Variants in NBPF12 observed in about 807,000 individuals in gnomAD.
NBPF12 encodes NBPF member 12.
A neutral mutation model predicts 146.4 loss-of-function variants in NBPF12; 115 were observed. The observed-to-expected ratio is 0.79, with a 90% CI of 0.68 to 0.92. The LOEUF (loss-of-function observed/expected upper bound fraction) is 0.92. Ranked by LOEUF, NBPF12 falls within the 40% of genes least tolerant of loss-of-function variation. NBPF12 has a pLI of 0.00. For missense variants in NBPF12, 1,205 were observed against 1,326.8 expected, an observed-to-expected ratio of 0.91 and a Z score of 1.43; for synonymous variants, 385 against 508.9, an observed-to-expected ratio of 0.76 and a Z score of 3.28.
intron 6 of NBPF12, among the ~76,000 whole-genome samples, 191 bp downstream of exon 9, chr1:146,963,500 C>A (rs1413052403): frequency 6.6e-6 from 1 of 152,012 alleles, no homozygotes; most frequent in Non-Finnish European, 1.5e-5. Context: ...CCCAGTATTG[C>A]AAGTGTCCCT....
chr1:146,947,315 C>T (rs1183931533), upstream of NBPF12, among the ~76,000 whole-genome samples: 1,191 of 150,856 alleles, frequency 7.9e-3, 7 homozygotes, highest in Admixed American at 0.012. Context: ...GCTTCTCTTC[C>T]CTGTGACCTG....
chr1:146,995,937 A>G (rs1431205800), exon 34 of NBPF12: 2 of 150,788 alleles, frequency 1.3e-5, no homozygotes, highest in Admixed American at 1.3e-4. Flanking sequence ...TATTATATAC[A>G]TATCTCTACG....
At chr1:146,964,569 C>T (rs1656069312) in intron 7 of NBPF12, 140 bp downstream of exon 10, 2 of 1,395,252 alleles carry the variant, frequency 1.4e-6, no homozygotes, top group African/African-American at 2.9e-5. Context: ...CCAGCTTAGA[C>T]ACAGGGTGCG....
intron 10 of NBPF12, among the ~76,000 whole-genome samples, chr1:146,969,029 A>C (rs1185937574): frequency 6.6e-6 from 1 of 151,468 alleles, no homozygotes; most frequent in Non-Finnish European, 1.5e-5. Flanking sequence ...CTTTGTGTCT[A>C]GTGGCCGCAA....
chr1:146,992,499 T>C (rs1328951769), intron 31 of NBPF12, among the ~76,000 whole-genome samples: 2 of 141,440 alleles, frequency 1.4e-5, no homozygotes, highest in African/African-American at 2.7e-5. Flanking sequence ...TGTGTGTGTG[T>C]GTGTGTGTGT....
intron 13 of NBPF12, among the ~76,000 whole-genome samples, chr1:146,971,828 C>T (rs1419543536): frequency 6.7e-6 from 1 of 150,250 alleles, no homozygotes; most frequent in Admixed American, 6.6e-5. Flanking sequence ...ACATGTAATC[C>T]CAGCACTTTG....
intron 10 of NBPF12, 39 bp from the exon 14 acceptor site, chr1:146,969,343 C>T (rs1343321948): frequency 1.3e-6 from 1 of 771,706 alleles, no homozygotes; most frequent in Non-Finnish European, 2.2e-6. Context: ...ATCACTCAAC[C>T]CTTTCCACTC....
chr1:146,964,285 G>A lies in NBPF12; in HGVS notation c.494-72G>A, dbSNP rs1302917633. 83 of 1,587,372 alleles carry A rather than the reference G, an allele frequency of 5.2e-5. 1 individual carries two copies. In the Middle Eastern group the frequency reaches 9.1e-4, roughly 17 times the overall value. On this transcript the variant is annotated intron_variant, in intron 6 of 33. Transcript: ENST00000617844. Reference sequence around the variant, plus strand: ...ACCATACATAGATGTTCATGTCTCTGTGCACGTTGGGCTGACTGTGCTTGC... The same window carrying A: ...ACCATACATAGATGTTCATGTCTCTATGCACGTTGGGCTGACTGTGCTTGC...
chr1:146,995,451 A>G (rs1658484580), exon 34 of NBPF12: 3 of 126,720 alleles, frequency 2.4e-5, no homozygotes, highest in Non-Finnish European at 3.4e-5. Context: ...AGGAGAAGAG[A>G]TATTTTGGGT....
At position 146,994,515 on chromosome 1, in the gene NBPF12, TA is replaced by T. The variant is rs1658416748; in HGVS notation, c.4315del (p.Thr1439LeufsTer2). ...CCCTTGACATGGACAATAGCTTTTT[TA>T]CTTTGACGGTGACAAGTCTCCACCT... On this transcript the variant is annotated frameshift_variant, in exon 34 of 34. Coordinates refer to ENST00000617844, the Ensembl canonical transcript of NBPF12. LOFTEE classifies it high-confidence loss of function. 1 of 1,609,590 alleles carries T rather than the reference TA, an allele frequency of 6.2e-7. No individual in the cohort carries two copies. Among genetic ancestry groups the T allele is most frequent in the Non-Finnish European group, 8.5e-7 (1 of 1,179,518 alleles).
rs1656877804 is a variant in NBPF12 at position 146,974,861 on chromosome 1, G to A, written c.1904+20G>A. 4.7e-6 allele frequency: 6 copies of A among 1,286,746 alleles called. 1 individual carries two copies. Among genetic ancestry groups the A allele is most frequent in the Admixed American group, 2.4e-5 (1 of 42,154 alleles). 79.7% of individuals were successfully genotyped at this position (1,286,746 alleles called of 1,614,324 possible). On this transcript the variant is annotated intron_variant, in intron 15 of 33. Transcript: ENST00000617844. ...GCTCAGGTGAGGGGACCCCATGGGGGCAGACAGGGGGGCAGGTGTGTAAAT... is the reference window on the plus strand; with the variant it reads ...GCTCAGGTGAGGGGACCCCATGGGGACAGACAGGGGGGCAGGTGTGTAAAT...
intron 23 of NBPF12, among the ~76,000 whole-genome samples, chr1:146,986,051 A>C (rs1191887144): frequency 4.0e-5 from 6 of 150,462 alleles, no homozygotes; most frequent in African/African-American, 7.5e-5. Flanking sequence ...ATCACTGTTC[A>C]CTGTGTGTCC....
At chr1:146,954,766 G>C (rs1333206647) in intron 2 of NBPF12, among the ~76,000 whole-genome samples, 1 of 149,404 alleles carries the variant, frequency 6.7e-6, no homozygotes, top group Non-Finnish European at 1.5e-5. Flanking sequence ...AAGATTATGT[G>C]TTTTGTTGAA....
intron 8 of NBPF12, among the ~76,000 whole-genome samples, chr1:146,965,773 C>G (rs1427045742): frequency 9.3e-6 from 1 of 108,010 alleles, no homozygotes; most frequent in African/African-American, 3.7e-5. Context: ...GCCTGGGAGA[C>G]AGAGCGAGAC....
upstream of NBPF12, among the ~76,000 whole-genome samples, chr1:146,946,197 C>T (rs1306735376): frequency 2.6e-4 from 39 of 151,520 alleles, no homozygotes; most frequent in East Asian, 1.9e-4. Flanking sequence ...TGGTGAAAGA[C>T]GTCTTGGGTA....
At chr1:146,967,424 C>T (rs1182652668) in intron 9 of NBPF12, among the ~76,000 whole-genome samples, 7 of 150,372 alleles carry the variant, frequency 4.7e-5, no homozygotes, top group Non-Finnish European at 8.8e-5. Flanking sequence ...TCCTTTGAAC[C>T]CAGGAGGCTG....
At chr1:146,969,744 G>A (rs1448329078) in intron 11 of NBPF12, 148 bp downstream of exon 14, 4 of 1,480,376 alleles carry the variant, frequency 2.7e-6, no homozygotes, top group Non-Finnish European at 3.7e-6. Flanking sequence ...TCCTGGGTAA[G>A]AACGGAGATG....
chr1:146,945,162 C>T (rs1358669395), upstream of NBPF12, among the ~76,000 whole-genome samples: 1 of 149,292 alleles, frequency 6.7e-6, no homozygotes, highest in African/African-American at 2.5e-5. Flanking sequence ...CATGCTCTCT[C>T]TTTTTCTTTC....
At chr1:146,994,429 G>C (rs782224454) in exon 34 of NBPF12, 4 of 1,612,054 alleles carry the variant, frequency 2.5e-6, no homozygotes, top group African/African-American at 2.7e-5. Context: ...TGAACTACCT[G>C]ACTCATTCCA....
Sources: gnomAD v4.1 joint callset for allele counts (sites outside exome capture counted in the v4.1 genomes callset) on GRCh38, gnomAD v4.1.1 for gene constraint, MANE v1.5 for transcripts, NCBI Gene and HGNC (gene_info 2026-07-23, HGNC 2026-07-21) for gene names.